Variants in RB1CC1 observed in about 807,000 individuals in gnomAD.
RB1CC1 encodes the protein RB1 inducible coiled-coil 1, also known as RB1-inducible coiled-coil protein 1.
A neutral mutation model predicts 177.5 loss-of-function variants in RB1CC1; 46 were observed. The ratio of observed to expected loss-of-function variants is 0.26; its 90% CI spans 0.20 to 0.33. RB1CC1 has a LOEUF of 0.33. RB1CC1 is among the 10% of genes least tolerant of loss of function. The pLI, the probability that RB1CC1 is intolerant of heterozygous loss-of-function variation, is 1.00. For synonymous variants in RB1CC1, 666 were observed against 613.6 expected (o/e 1.09, Z -1.26); for missense variants, 1,703 against 1,816.3 (o/e 0.94, Z 1.13).
chr8:52,651,392 C>A (rs917982809), intron 15 of RB1CC1, among the ~76,000 whole-genome samples: 11 of 152,240 alleles, frequency 7.2e-5, no homozygotes, highest in African/African-American at 2.7e-4. Context: ...TAAAATGGTA[C>A]AGTTGGGTAG....
At position 52,657,468 on chromosome 8, in the gene RB1CC1, ATCC is replaced by A; in HGVS notation, c.2358_2360del (p.Glu786del). The A allele has an allele frequency of 1.2e-6, 2 of 1,613,706 alleles. No homozygotes were observed. Among genetic ancestry groups the A allele is most frequent in the Non-Finnish European group, 1.7e-6 (2 of 1,180,000 alleles). ...CATTCAGAGAAGTATGATCTCCAAAATCCTCCTTACCACATACATTTGTATCCT... is the reference window on the plus strand; with the variant it reads ...CATTCAGAGAAGTATGATCTCCAAAATCCTTACCACATACATTTGTATCCT... On this transcript the variant is annotated inframe_deletion, in exon 15 of 24. Coordinates refer to ENST00000025008, the MANE Select transcript of RB1CC1 (RefSeq NM_014781.5).
rs1848130372 is a variant in RB1CC1, at chr8:52,622,543, T to C, written c.*1239A>G. ...GTTTATTCCATTTTGTACTATTAGA[T>C]ATACATATTTAAAAAAATATTTAAC... On this transcript the variant is annotated 3_prime_UTR_variant, in exon 24 of 24. Transcript: ENST00000025008. 6.6e-6 allele frequency: 1 copy of C among 151,988 alleles called. No individual in the cohort carries two copies. The allele number at this position is 151,988 out of a possible 1,614,324, so 9.4% of individuals were successfully genotyped here.
rs1848678790 is a variant in RB1CC1, at chr8:52,630,490, A to C, written c.4479T>G (p.Ser1493=). The change falls in exon 21 of 24, where the codon TCT becomes TCG. Residue 1493 remains serine, a synonymous_variant. Coordinates refer to ENST00000025008, the MANE Select transcript of RB1CC1 (RefSeq NM_014781.5). ...CTTACTCTCTAATAGCTATCTTTTC[A>C]GAATGCCTTGAAGATACTGAAGACA... ...QSMSSVSSRH[S]EKIAIRDFQV... The C allele has an allele frequency of 1.9e-6, 3 of 1,586,180 alleles. No homozygotes were observed. Among genetic ancestry groups the C allele is most frequent in the African/African-American group, 1.4e-5 (1 of 73,154 alleles).
chr8:52,658,812 C>T, intron 13 of RB1CC1, 61 bp downstream of exon 13: 1 of 1,250,252 alleles, frequency 8.0e-7, no homozygotes, highest in Non-Finnish European at 1.1e-6. Context: ...CCTGGCACAA[C>T]TCCAGAATAA....
intron 5 of RB1CC1, among the ~76,000 whole-genome samples, chr8:52,682,375 G>C (rs1591073196): frequency 6.6e-6 from 1 of 152,024 alleles, no homozygotes; most frequent in African/African-American, 2.4e-5. Flanking sequence ...TCCCAGGCTC[G>C]GGTTATGTCT....
rs756295735 is a variant in RB1CC1 at position 52,656,352 on chromosome 8, T to C, written c.3477A>G (p.Thr1159=). ...TTTCAAATGCTTGGTTATGCAAAGATGTTACTTTGTTTAATTCAGCTTTAA... is the reference window on the plus strand; with the variant it reads ...TTTCAAATGCTTGGTTATGCAAAGACGTTACTTTGTTTAATTCAGCTTTAA... ...NILKAELNKV[T]SLHNQAFEIE... The change falls in exon 15 of 24, where the codon ACA becomes ACG. Residue 1159 remains threonine, a synonymous_variant. Coordinates refer to ENST00000025008, the MANE Select transcript of RB1CC1 (RefSeq NM_014781.5). The C allele has an allele frequency of 1.9e-6, 3 of 1,611,912 alleles. No homozygotes were observed. Among genetic ancestry groups the C allele is most frequent in the Non-Finnish European group, 2.5e-6 (3 of 1,179,402 alleles).
chr8:52,675,712 T>TA (rs773716816), intron 6 of RB1CC1, among the ~76,000 whole-genome samples: 16,437 of 48,294 alleles, frequency 0.34, 2,379 homozygotes, highest in Non-Finnish European at 0.4. Flanking sequence ...CTACTAAAAA[T>TA]CCAAAAAAAA....
intron 18 of RB1CC1, among the ~76,000 whole-genome samples, chr8:52,640,543 T>C (rs969086635): frequency 1.3e-5 from 2 of 152,236 alleles, no homozygotes; most frequent in African/African-American, 2.4e-5. Context: ...TTGCTTTGAA[T>C]TGCTTTTATA....
Position 52,642,694 on chromosome 8 carries a change from C to A in RB1CC1, c.4096+10G>T. The A allele has an allele frequency of 6.4e-7, 1 of 1,571,782 alleles. No homozygotes were observed. The highest frequency in any genetic ancestry group is 8.6e-7 in the Non-Finnish European group (1 of 1,165,548). On this transcript the variant is annotated intron_variant, in intron 17 of 23. Transcript: ENST00000025008. ...AAAAATTAAAAAAAATAGTACAAAA[C>A]AGTACAAACCTTTATCCCGTTCTTG... is the stretch of plus-strand genomic sequence containing the variant.
rs776108976 is a variant in RB1CC1 at position 52,623,663 on chromosome 8, G to A, written c.*119C>T. ...AAAGTAAACGATGTACACCAGTGAAGTATATTGTCACGCTGACTTTTGCAT... is the reference window on the plus strand; with the variant it reads ...AAAGTAAACGATGTACACCAGTGAAATATATTGTCACGCTGACTTTTGCAT... On this transcript the variant is annotated 3_prime_UTR_variant, in exon 24 of 24. Transcript: ENST00000025008. 2 of 721,770 alleles carry A rather than the reference G, an allele frequency of 2.8e-6. No homozygotes were observed. The highest frequency in any genetic ancestry group is 2.5e-6 in the Non-Finnish European group (1 of 395,078). The allele number at this position is 721,770 out of a possible 1,614,324, so 44.7% of individuals were successfully genotyped here.
chr8:52,695,767 GCTCT>G (rs1276947960), intron 1 of RB1CC1, among the ~76,000 whole-genome samples: 1 of 152,152 alleles, frequency 6.6e-6, no homozygotes, highest in Non-Finnish European at 1.5e-5. Flanking sequence ...TCCAGATTCT[GCTCT>G]CTGCCATTGC....
intron 1 of RB1CC1, among the ~76,000 whole-genome samples, chr8:52,696,205 C>T (rs1433047742): frequency 3.3e-5 from 5 of 152,086 alleles, no homozygotes; most frequent in African/African-American, 4.8e-5. Context: ...CCACCACGCC[C>T]GGCTAATTTT....
intron 16 of RB1CC1, among the ~76,000 whole-genome samples, chr8:52,645,293 T>G (rs529516003): frequency 6.6e-6 from 1 of 152,300 alleles, no homozygotes; most frequent in South Asian, 2.1e-4. Flanking sequence ...AATTTGAAGC[T>G]TAGAGAAAAA....
At chr8:52,704,014 C>A (rs1360484866) in intron 1 of RB1CC1, among the ~76,000 whole-genome samples, 1 of 152,132 alleles carries the variant, frequency 6.6e-6, no homozygotes, top group Non-Finnish European at 1.5e-5. Flanking sequence ...AAACTGAATT[C>A]TCTCCTTTGT....
At chr8:52,679,298 G>T (rs946488233) in intron 5 of RB1CC1, among the ~76,000 whole-genome samples, 2 of 152,124 alleles carry the variant, frequency 1.3e-5, no homozygotes, top group South Asian at 4.1e-4. Context: ...ACCTAAAACA[G>T]TTCTGCTGAA....
intron 15 of RB1CC1, among the ~76,000 whole-genome samples, chr8:52,648,571 A>T (rs1354665867): frequency 6.6e-6 from 1 of 152,178 alleles, no homozygotes; most frequent in Admixed American, 6.5e-5. Context: ...CAGTTAGAAA[A>T]ATACAGTAGT....
At chr8:52,685,002 C>CT (rs34656821) in intron 3 of RB1CC1, among the ~76,000 whole-genome samples, 4,065 of 130,214 alleles carry the variant, frequency 0.031, 226 homozygotes, top group African/African-American at 0.098. Context: ...ATTATGTGAC[C>CT]TTTTTTTTTT....
rs190310384 is a variant in RB1CC1 at position 52,692,769 on chromosome 8, C to A, written c.-166-5802G>T. On this transcript the variant is annotated intron_variant, in intron 1 of 23. Coordinates refer to ENST00000025008, the MANE Select transcript of RB1CC1 (RefSeq NM_014781.5). Reference sequence around the variant, plus strand: ...CTTGCAGATTTTCTCCCTTATGTGACCATTTAAAAAATTTCCTTTACTAAA... The same window carrying A: ...CTTGCAGATTTTCTCCCTTATGTGAACATTTAAAAAATTTCCTTTACTAAA... 2.6e-5 allele frequency among the ~76,000 whole-genome samples: 4 copies of A among 152,136 alleles called. No homozygotes were observed. The East Asian group carries it at 7.7e-4, about 29-fold the overall frequency.
chr8:52,711,966 G>A (rs1857096299), intron 1 of RB1CC1, among the ~76,000 whole-genome samples: 1 of 152,112 alleles, frequency 6.6e-6, no homozygotes, highest in South Asian at 2.1e-4. Flanking sequence ...TTGGGAGTCC[G>A]AGGCAGGCAG....
Sources: gnomAD v4.1 joint callset for allele counts (sites outside exome capture counted in the v4.1 genomes callset) on GRCh38, gnomAD v4.1.1 for gene constraint, MANE v1.5 for transcripts, NCBI Gene and HGNC (gene_info 2026-07-23, HGNC 2026-07-21) for gene names.